Variants in TAS2R1 observed in about 807,000 individuals in gnomAD.
TAS2R1 encodes taste receptor type 2 member 1.
For synonymous variants in TAS2R1, 141 were observed against 134.2 expected (o/e 1.05, Z -0.35); for missense variants, 370 against 353.4 (o/e 1.05, Z -0.38).
intron 1 of TAS2R1, among the ~76,000 whole-genome samples, chr5:9,690,751 C>T (rs371128031): frequency 7.2e-5 from 11 of 151,878 alleles, no homozygotes; most frequent in African/African-American, 2.2e-4. Flanking sequence ...GCCAACCACA[C>T]GAAATAAGGG....
At chr5:9,812,848 G>T in the TAS2R1 span, among the ~76,000 whole-genome samples, 2 of 152,122 alleles carry the variant, frequency 1.3e-5, no homozygotes, top group African/African-American at 4.8e-5. Context: ...TTTCTCTTCA[G>T]TTTTAGTTGG....
chr5:9,792,013 G>A, the TAS2R1 span, among the ~76,000 whole-genome samples: 2 of 152,200 alleles, frequency 1.3e-5, no homozygotes, highest in Admixed American at 6.5e-5. Flanking sequence ...GTGCCACCAG[G>A]AGTCAGGATT....
the TAS2R1 span, among the ~76,000 whole-genome samples, chr5:9,891,628 C>T: frequency 4.6e-5 from 7 of 152,212 alleles, no homozygotes; most frequent in East Asian, 1.4e-3. Flanking sequence ...GCTATGACCC[C>T]AGAATCCAAA....
chr5:9,671,649 C>T (rs1168427475), intron 1 of TAS2R1, among the ~76,000 whole-genome samples: 1 of 152,054 alleles, frequency 6.6e-6, no homozygotes, highest in African/African-American at 2.4e-5. Flanking sequence ...ATAAAAAAAA[C>T]AAATGGAAAA....
At chr5:9,654,367 C>G (rs1286649449) in intron 2 of TAS2R1, among the ~76,000 whole-genome samples, 1 of 152,086 alleles carries the variant, frequency 6.6e-6, no homozygotes, top group Non-Finnish European at 1.5e-5. Context: ...ATTTTATTCT[C>G]TAGCCTTCCA....
chr5:9,627,876 C>A lies in TAS2R1; in HGVS notation c.*1257G>T. 6.6e-6 allele frequency among the ~76,000 whole-genome samples: 1 copy of A among 152,132 alleles called. No homozygotes were observed. On this transcript the variant is annotated 3_prime_UTR_variant, in exon 1 of 1. Transcript: ENST00000382492. ...CATGCCCAAGAAGATAAGTACGTCC[C>A]TGAATCTCCTGAAGCAAAATCCTTC...
intron 1 of TAS2R1, among the ~76,000 whole-genome samples, chr5:9,689,889 T>A (rs991274231): frequency 3.3e-5 from 5 of 152,204 alleles, no homozygotes; most frequent in African/African-American, 1.2e-4. Flanking sequence ...GATGAAGTAA[T>A]CATCTTGCTT....
At chr5:9,684,356 TAGA>T (rs1441486652) in intron 1 of TAS2R1, among the ~76,000 whole-genome samples, 1 of 152,126 alleles carries the variant, frequency 6.6e-6, no homozygotes, top group Non-Finnish European at 1.5e-5. Context: ...GTTGAACTCA[TAGA>T]AGTAGAGTAG....
At chr5:9,820,503 C>T in the TAS2R1 span, among the ~76,000 whole-genome samples, 4 of 152,222 alleles carry the variant, frequency 2.6e-5, no homozygotes, top group Admixed American at 6.5e-5. Flanking sequence ...CATAGAATCA[C>T]CAGAAAAGTT....
At chr5:9,701,933 T>A (rs1424372949) in intron 1 of TAS2R1, among the ~76,000 whole-genome samples, 1 of 152,202 alleles carries the variant, frequency 6.6e-6, no homozygotes, top group East Asian at 1.9e-4. Flanking sequence ...TAGAGTGAGA[T>A]TAATGTGATG....
At chr5:9,735,047 A>G in the TAS2R1 span, among the ~76,000 whole-genome samples, 1 of 151,416 alleles carries the variant, frequency 6.6e-6, no homozygotes, top group Non-Finnish European at 1.5e-5. Context: ...CAGTCGTGGC[A>G]GTAGGCAAAG....
chr5:9,673,363 T>C (rs762477894), intron 1 of TAS2R1, among the ~76,000 whole-genome samples: 15 of 152,294 alleles, frequency 9.8e-5, no homozygotes, highest in Middle Eastern at 6.8e-3. Context: ...TTTAAATATA[T>C]GTGCAGAAGA....
At chr5:9,818,355 G>C in the TAS2R1 span, among the ~76,000 whole-genome samples, 1 of 152,172 alleles carries the variant, frequency 6.6e-6, no homozygotes, top group Non-Finnish European at 1.5e-5. Context: ...TATATGCCTT[G>C]AGTGTGGTCA....
At chr5:9,828,276 C>T in the TAS2R1 span, among the ~76,000 whole-genome samples, 1 of 151,850 alleles carries the variant, frequency 6.6e-6, no homozygotes, top group African/African-American at 2.4e-5. Context: ...CAGGCATCCA[C>T]CACCATGTCT....
intron 2 of TAS2R1, among the ~76,000 whole-genome samples, chr5:9,652,437 T>A (rs1345003891): frequency 6.6e-6 from 1 of 152,120 alleles, no homozygotes; most frequent in Non-Finnish European, 1.5e-5. Context: ...CCATAAACAC[T>A]ACCCAGTTAC....
chr5:9,752,871 C>G, the TAS2R1 span, among the ~76,000 whole-genome samples: 5 of 152,172 alleles, frequency 3.3e-5, no homozygotes, highest in Non-Finnish European at 5.9e-5. Context: ...CTACAAAGGA[C>G]ATGAACTCAT....
chr5:9,706,824 GTCT>G (rs1298204258), intron 1 of TAS2R1, among the ~76,000 whole-genome samples: 1 of 152,194 alleles, frequency 6.6e-6, no homozygotes, highest in East Asian at 1.9e-4. Context: ...GGCAAGGCCT[GTCT>G]TAAGCAGGTG....
At chr5:9,838,418 A>C in the TAS2R1 span, among the ~76,000 whole-genome samples, 1 of 152,154 alleles carries the variant, frequency 6.6e-6, no homozygotes, top group African/African-American at 2.4e-5. Flanking sequence ...GTAGACACCC[A>C]ATCTGAACAT....
At chr5:9,785,571 C>T in the TAS2R1 span, among the ~76,000 whole-genome samples, 1 of 152,178 alleles carries the variant, frequency 6.6e-6, no homozygotes, top group Admixed American at 6.5e-5. Context: ...GAAGCTGAAA[C>T]ATTTTTCAAA....
Sources: allele counts gnomAD v4.1 joint callset (sites outside exome capture counted in the v4.1 genomes callset), GRCh38; gene constraint gnomAD v4.1.1; transcripts MANE v1.5; gene names NCBI Gene and HGNC (gene_info 2026-07-23, HGNC 2026-07-21).